Variants in CMYA5 observed in about 807,000 individuals in gnomAD.
CMYA5 encodes cardiomyopathy-associated protein 5.
In CMYA5, 246 loss-of-function variants were observed where a neutral mutation model predicts 318.9. That is an observed-to-expected ratio of 0.77 (90% CI 0.70 to 0.86). The LOEUF (loss-of-function observed/expected upper bound fraction) is 0.86, where lower values mean the gene tolerates loss of function less well. Ranked by LOEUF, CMYA5 falls within the 40% of genes least tolerant of loss-of-function variation. CMYA5 has a pLI of 0.00. For missense variants in CMYA5, 4,589 were observed against 4,678.2 expected, an observed-to-expected ratio of 0.98 and a Z score of 0.56; for synonymous variants, 1,641 against 1,729.5, an observed-to-expected ratio of 0.95 and a Z score of 1.27.
chr5:79,743,082 G>T (rs1303225375), intron 2 of CMYA5, among the ~76,000 whole-genome samples: 5 of 152,166 alleles, frequency 3.3e-5, no homozygotes, highest in Non-Finnish European at 7.3e-5. Flanking sequence ...GAGGGAAGTA[G>T]AGACCAGATC....
chr5:79,723,735 C>A (rs1296706860), intron 1 of CMYA5, among the ~76,000 whole-genome samples: 1 of 150,018 alleles, frequency 6.7e-6, no homozygotes, highest in Non-Finnish European at 1.5e-5. Flanking sequence ...GCACTCCAGC[C>A]TGGGTGACAG....
rs1259869898 is a variant in CMYA5 at position 79,734,775 on chromosome 5, A to G, written c.6010A>G (p.Ile2004Val). Residue 2004 changes from isoleucine to valine, a missense_variant, in exon 2 of 13, where the codon ATA (isoleucine) becomes GTA (valine). By Grantham distance (29) the Ile-to-Val change is conservative. Transcript: ENST00000446378. ...CCTAGCTGGAAATGTAGAGAGAAAC[A>G]TAGCAGAGGGGAAGGAGATTCATTC... ...LVLAGNVERN[I>V]AEGKEIHSLM... is the part of the protein sequence containing the mutation. 1 of 1,613,728 alleles carries G rather than the reference A, an allele frequency of 6.2e-7. No individual in the cohort carries two copies. Among genetic ancestry groups the G allele is most frequent in the East Asian group, 2.2e-5 (1 of 44,896 alleles).
At chr5:79,768,939 C>T (rs868846185) in intron 9 of CMYA5, among the ~76,000 whole-genome samples, 16 of 152,188 alleles carry the variant, frequency 1.1e-4, no homozygotes, top group East Asian at 3.9e-4. Context: ...ACCAATCAGA[C>T]GTAGATTTGG....
intron 1 of CMYA5, among the ~76,000 whole-genome samples, chr5:79,694,298 C>A (rs1827026826): frequency 6.6e-6 from 1 of 152,174 alleles, no homozygotes; most frequent in Non-Finnish European, 1.5e-5. Context: ...AGCACCTATA[C>A]ATTTGTATTT....
intron 11 of CMYA5, 135 bp downstream of exon 11, chr5:79,791,204 G>T (rs1007021511): frequency 3.0e-5 from 19 of 638,956 alleles, no homozygotes; most frequent in Non-Finnish European, 5.1e-5. Flanking sequence ...AAATATCAAT[G>T]TGTGCACATC....
chr5:79,773,193 A>G (rs111878949), intron 9 of CMYA5, among the ~76,000 whole-genome samples: 10 of 152,360 alleles, frequency 6.6e-5, no homozygotes, highest in African/African-American at 2.2e-4. Context: ...AGTGCCTGGC[A>G]TATTGTAACT....
rs1384693880 is a variant in CMYA5 at position 79,736,926 on chromosome 5, A to G, written c.8161A>G (p.Lys2721Glu). ...EESKVLVEKTKTFLPVVLSCH... is the reference protein window; with the variant it reads ...EESKVLVEKTETFLPVVLSCH... Reference sequence around the variant, plus strand: ...AAGTAAAGTTTTGGTGGAGAAAACTAAGACTTTCCTGCCAGTGGTTCTTTC... The same window carrying G: ...AAGTAAAGTTTTGGTGGAGAAAACTGAGACTTTCCTGCCAGTGGTTCTTTC... Residue 2721 changes from lysine (K) to glutamate (E), a missense_variant, in exon 2 of 13, where the codon AAG (lysine) becomes GAG (glutamate). This residue lies in a region of CMYA5 where 2,431 missense variants were observed against 2,495.1 expected (regional missense o/e 0.97). Coordinates refer to ENST00000446378, the MANE Select transcript of CMYA5 (RefSeq NM_153610.5). 2 of 1,613,610 alleles carry G rather than the reference A, an allele frequency of 1.2e-6. No homozygotes were observed.
intron 12 of CMYA5, among the ~76,000 whole-genome samples, chr5:79,796,233 A>G (rs1829272932): frequency 6.6e-6 from 1 of 152,202 alleles, no homozygotes; most frequent in African/African-American, 2.4e-5. Context: ...CTTCTGCAAT[A>G]ATAGAAAAAT....
chr5:79,692,773 G>C (rs546263566), intron 1 of CMYA5, among the ~76,000 whole-genome samples: 135 of 152,284 alleles, frequency 8.9e-4, no homozygotes, highest in Non-Finnish European at 1.5e-3. Context: ...ATTATTAGCA[G>C]GAAGGCTCTA....
chr5:79,731,097 G>A lies in CMYA5; in HGVS notation c.2332G>A (p.Val778Met), dbSNP rs768209540. 7.2e-5 allele frequency: 117 copies of A among 1,613,828 alleles called. No individual in the cohort carries two copies. The highest frequency in any genetic ancestry group is 9.3e-5 in the African/African-American group (7 of 74,904). ...PLPSTATSEH[V>M]VPSEGEDLGS... ...GCCTTCTACTGCCACATCAGAACAC[G>A]TGGTCCCATCAGAAGGAGAGGACCT... is the stretch of plus-strand genomic sequence containing the variant. The change falls in exon 2 of 13, where the codon GTG becomes ATG. Residue 778 changes from valine (V) to methionine (M), a missense_variant. Physicochemically the swap from Val to Met is conservative, Grantham distance 21 (BLOSUM62 1). Around this residue, in one of 3 missense-constraint regions of CMYA5, gnomAD observed 2,132 missense variants for 2,131.3 expected, o/e 1.00. Transcript: ENST00000446378.
intron 1 of CMYA5, among the ~76,000 whole-genome samples, chr5:79,715,846 A>G (rs1452415218): frequency 6.6e-6 from 1 of 152,224 alleles, no homozygotes; most frequent in Admixed American, 6.5e-5. Flanking sequence ...AATATGACTT[A>G]TCACTCACTG....
chr5:79,725,551 C>T lies in CMYA5; in HGVS notation c.150-3364C>T, dbSNP rs114645324. On this transcript the variant is annotated intron_variant, in intron 1 of 12. Transcript: ENST00000446378. ...TGATGGGATTAATAGAAGCCCCAAA[C>T]TCAGCATCAAACAGTATACCCATGT... Among the ~76,000 whole-genome samples, 519 of 152,300 alleles carry T rather than the reference C, an allele frequency of 3.4e-3. 3 individuals carry two copies. Among genetic ancestry groups the T allele is most frequent in the African/African-American group, 0.012 (492 of 41,556 alleles).
Position 79,731,409 on chromosome 5 carries a change from CT to C in CMYA5, c.2645del (p.Leu882HisfsTer42), listed in dbSNP as rs762741237. On this transcript the variant is annotated frameshift_variant, in exon 2 of 13. Transcript: ENST00000446378. LOFTEE classifies it high-confidence loss of function. Reference protein sequence around the residue: ...LSATPSEYVVLSDEEAVELER... With the variant: ...LSATPSEYVVXSDEEAVELER... ...AGCCACCCCATCTGAATATGTTGTT[CT>C]ATCAGACGAAGAGGCAGTCGAGTTG... 4 of 1,613,696 alleles carry C rather than the reference CT, an allele frequency of 2.5e-6. No individual in the cohort carries two copies. The South Asian group carries it at 4.4e-5, about 18-fold the overall frequency.
chr5:79,765,682 T>A lies in CMYA5; in HGVS notation c.11555+2473T>A, dbSNP rs184747556. 5.9e-3 allele frequency among the ~76,000 whole-genome samples: 903 copies of A among 152,330 alleles called. 11 individuals are homozygous for A. Among genetic ancestry groups the A allele is most frequent in the African/African-American group, 0.02 (837 of 41,566 alleles). On this transcript the variant is annotated intron_variant, in intron 9 of 12. Transcript: ENST00000446378. ...TATTTCTTTGAGCAGTGGTTTGTAG[T>A]TCTCCTTGAAGAGGTCCTTCATATC...
At position 79,735,367 on chromosome 5, in the gene CMYA5, A is replaced by T; in HGVS notation, c.6602A>T (p.Asp2201Val). The T allele has an allele frequency of 1.2e-6, 2 of 1,613,796 alleles. No homozygotes were observed. Among genetic ancestry groups the T allele is most frequent in the Non-Finnish European group, 1.7e-6 (2 of 1,179,772 alleles). The change falls in exon 2 of 13, where the codon GAC (aspartate) becomes GTC (valine). Residue 2201 changes from aspartate (D) to valine (V), a missense_variant. Asp to Val is a radical substitution (Grantham distance 152). This residue lies in a region of CMYA5 where 2,431 missense variants were observed against 2,495.1 expected (regional missense o/e 0.97). Coordinates refer to ENST00000446378, the MANE Select transcript of CMYA5 (RefSeq NM_153610.5). ...GATAACAAAGTTGCTGAACAAGAAG[A>T]CTTAGAAACACAGCCAAGTCCATCC... ...TPDNKVAEQE[D>V]LETQPSPSVE...
At chr5:79,739,791 TG>T (rs2151088938) in intron 2 of CMYA5, among the ~76,000 whole-genome samples, 1 of 152,198 alleles carries the variant, frequency 6.6e-6, no homozygotes, top group African/African-American at 2.4e-5. Flanking sequence ...GAGACCAGCC[TG>T]GGCAACATGG....
intron 9 of CMYA5, among the ~76,000 whole-genome samples, chr5:79,787,025 GAC>G (rs1261119864): frequency 1.3e-5 from 2 of 152,156 alleles, no homozygotes; most frequent in African/African-American, 4.8e-5. Context: ...TGAGCAATGA[GAC>G]AGAGCATGCA....
In CMYA5 at chr5:79,790,986, GT is replaced by G. The variant is rs754905255; in HGVS notation, c.11708del (p.Leu3903Ter). 1.1e-5 allele frequency: 17 copies of G among 1,612,750 alleles called. No individual in the cohort carries two copies. The Middle Eastern group carries it at 6.6e-4, about 62-fold the overall frequency. On this transcript the variant is annotated frameshift_variant, in exon 11 of 13. Transcript: ENST00000446378. LOFTEE classifies it high-confidence loss of function. ...CTGCAATAGGAACCAGATTTCTCTTGTTGAGAGAAACAGCTCATCCTGCTCT... is the reference window on the plus strand; with the variant it reads ...CTGCAATAGGAACCAGATTTCTCTTGTGAGAGAAACAGCTCATCCTGCTCT... ...ISTRGTRFLL[L>X]RETAHPALHI...
chr5:79,728,454 C>G (rs1157466259), intron 1 of CMYA5, among the ~76,000 whole-genome samples: 2 of 151,526 alleles, frequency 1.3e-5, no homozygotes, highest in African/African-American at 2.4e-5. Flanking sequence ...AAATGAGGTA[C>G]CTGTGATACC....
Sources: gnomAD v4.1 joint callset for allele counts (sites outside exome capture counted in the v4.1 genomes callset) on GRCh38, gnomAD v4.1.1 for gene constraint, gnomAD v4.1.1 regional missense constraint, MANE v1.5 for transcripts, NCBI Gene and HGNC (gene_info 2026-07-23, HGNC 2026-07-21) for gene names.